MYO16: variants seen among roughly 807,000 people sequenced by gnomAD.
MYO16 encodes the protein unconventional myosin-XVI.
MYO16 carries 94 observed loss-of-function variants against 205.3 expected under a neutral mutation model. The observed-to-expected ratio is 0.46, with a 90% CI of 0.39 to 0.54. The LOEUF is 0.54. MYO16 is among the 20% of genes least tolerant of loss of function. The pLI, the probability that MYO16 is intolerant of heterozygous loss-of-function variation, is 0.00. For missense variants in MYO16, 2,315 were observed against 2,387.5 expected, an observed-to-expected ratio of 0.97 and a Z score of 0.63; for synonymous variants, 988 against 954.0, an observed-to-expected ratio of 1.04 and a Z score of -0.66.
intron 1 of MYO16, among the ~76,000 whole-genome samples, chr13:108,622,089 C>A (rs1245603630): frequency 6.6e-6 from 1 of 152,048 alleles, no homozygotes; most frequent in East Asian, 1.9e-4. Context: ...TTGTTTAGTA[C>A]CTGGTTCATG....
the MYO16 span, among the ~76,000 whole-genome samples, chr13:108,569,481 A>T: frequency 6.6e-6 from 1 of 152,062 alleles, no homozygotes; most frequent in South Asian, 2.1e-4. Context: ...AATACAATTG[A>T]TTTTTTAATA....
chr13:108,541,927 G>C, the MYO16 span, among the ~76,000 whole-genome samples: 10,883 of 152,236 alleles, frequency 0.071, 721 homozygotes, highest in African/African-American at 0.17. Flanking sequence ...ACAAAAAACA[G>C]AGCTACCATT....
intron 3 of MYO16, among the ~76,000 whole-genome samples, chr13:108,720,592 T>G (rs554651588): frequency 3.2e-4 from 48 of 152,292 alleles, no homozygotes; most frequent in Middle Eastern, 3.4e-3. Flanking sequence ...TGTTGTTGTT[T>G]TTTAATTTAC....
intron 27 of MYO16, among the ~76,000 whole-genome samples, chr13:109,075,421 A>C (rs907350512): frequency 7.2e-5 from 11 of 151,828 alleles, no homozygotes; most frequent in Admixed American, 1.3e-4. Flanking sequence ...ATGGAGTCTC[A>C]CTCTGTCACC....
chr13:109,205,461 G>A (rs950922241), intron 34 of MYO16, among the ~76,000 whole-genome samples: 1 of 152,180 alleles, frequency 6.6e-6, no homozygotes, highest in African/African-American at 2.4e-5. Flanking sequence ...TCATTTTAAT[G>A]GAGAGGGTTG....
chr13:108,690,909 A>T (rs1355943667), intron 2 of MYO16, among the ~76,000 whole-genome samples: 3 of 152,218 alleles, frequency 2.0e-5, no homozygotes, highest in South Asian at 4.2e-4. Context: ...CAGTTCAAGT[A>T]TATTAATTCC....
intron 11 of MYO16, among the ~76,000 whole-genome samples, chr13:108,860,857 G>T: frequency 6.6e-6 from 1 of 152,096 alleles, no homozygotes; most frequent in East Asian, 1.9e-4. Flanking sequence ...AGACAACCTA[G>T]GCAGTACCAT....
At chr13:108,809,290 A>T (rs1186667926) in intron 7 of MYO16, among the ~76,000 whole-genome samples, 2 of 152,176 alleles carry the variant, frequency 1.3e-5, no homozygotes, top group East Asian at 3.9e-4. Flanking sequence ...TAGCTTTCAT[A>T]TACTTCCTTC....
In MYO16 at chr13:109,206,782, G is replaced by C. The variant is rs145722511; in HGVS notation, c.5589G>C (p.Pro1863=). 1.2e-6 allele frequency: 2 copies of C among 1,614,176 alleles called. No homozygotes were observed. Residue 1863 remains proline (P), a synonymous_variant, in exon 35 of 35, where the codon CCG becomes CCC. Coordinates refer to ENST00000457511, the MANE Select transcript of MYO16 (RefSeq NM_001198950.3). ...PCKKPSLLKK[P]EGASCNRLPS... ...AGAAGCCCAGCCTTCTGAAGAAGCC[G>C]GAAGGGGCCTCCTGCAACAGGCTGC...
the MYO16 span, among the ~76,000 whole-genome samples, chr13:108,516,721 T>C: frequency 6.6e-6 from 1 of 152,186 alleles, no homozygotes; most frequent in Non-Finnish European, 1.5e-5. Flanking sequence ...GTCACCTAAG[T>C]ACACATGTCT....
Position 108,665,970 on chromosome 13 carries a change from G to A in MYO16, c.113G>A (p.Arg38Gln), listed in dbSNP as rs367922317. 1.8e-5 allele frequency: 29 copies of A among 1,614,032 alleles called. No homozygotes were observed. The highest frequency in any genetic ancestry group is 2.3e-5 in the Non-Finnish European group (27 of 1,179,964). The change falls in exon 2 of 35, where the codon CGG becomes CAG. Residue 38 changes from arginine (R) to glutamine (Q), a missense_variant. Transcript: ENST00000457511. ...CLLESLPLGQ[R>Q]QRLVKRMRCE... Reference sequence around the variant, plus strand: ...CTAGAGTCCCTTCCCCTTGGCCAACGGCAGCGTCTAGTGAAGCGCATGCGC... The same window carrying A: ...CTAGAGTCCCTTCCCCTTGGCCAACAGCAGCGTCTAGTGAAGCGCATGCGC...
At chr13:108,975,493 AATCTTT>A (rs1471587198) in intron 20 of MYO16, among the ~76,000 whole-genome samples, 5 of 152,300 alleles carry the variant, frequency 3.3e-5, no homozygotes, top group Admixed American at 2.0e-4. Flanking sequence ...GGGCAGGTTA[AATCTTT>A]GAGTTAAAAC....
intron 7 of MYO16, among the ~76,000 whole-genome samples, chr13:108,814,318 CT>C (rs1887383748): frequency 6.6e-6 from 1 of 152,088 alleles, no homozygotes; most frequent in South Asian, 2.1e-4. Context: ...GCAATCTTAA[CT>C]AATTTTTGAC....
chr13:109,043,842 GATTT>G (rs2139585946), intron 23 of MYO16, among the ~76,000 whole-genome samples: 1 of 152,268 alleles, frequency 6.6e-6, no homozygotes, highest in African/African-American at 2.4e-5. Context: ...ATGATTCAGA[GATTT>G]CAAGTGAGAG....
chr13:109,032,447 T>C lies in MYO16; in HGVS notation c.2796+12536T>C, dbSNP rs566110748. Among the ~76,000 whole-genome samples, 8 of 152,336 alleles carry C rather than the reference T, an allele frequency of 5.3e-5. No homozygotes were observed. In the South Asian group the frequency reaches 1.7e-3, roughly 32 times the overall value. On this transcript the variant is annotated intron_variant, in intron 23 of 34. Coordinates refer to ENST00000457511, the MANE Select transcript of MYO16 (RefSeq NM_001198950.3). ...CAAAGGCCAGTGCACAGTATCTTCC[T>C]AGCCAGTGAGACAAGGCAAAGGTGT...
At chr13:108,824,030 G>A (rs1033161196) in intron 9 of MYO16, among the ~76,000 whole-genome samples, 2 of 152,084 alleles carry the variant, frequency 1.3e-5, no homozygotes, top group Non-Finnish European at 2.9e-5. Flanking sequence ...TTGTCAGGTA[G>A]AGATGGACTG....
Position 109,127,417 on chromosome 13 carries a change from T to C in MYO16, c.3918T>C (p.Asp1306=). The change falls in exon 31 of 35, where the codon GAT becomes GAC. Residue 1306 remains aspartate (D), a synonymous_variant. Transcript: ENST00000457511. This position sits in a 1 kb window ranked among gnomAD's most constrained non-coding sequence, Gnocchi z 4.2. ...CGCTGCACTCGGTGTTCAGCATGGA[T>C]GACAGCAGCAGCCTCCCGTCTCCAC... ...SPSLHSVFSM[D]DSSSLPSPRK... 2 of 1,614,066 alleles carry C rather than the reference T, an allele frequency of 1.2e-6. No homozygotes were observed. The highest frequency in any genetic ancestry group is 8.5e-7 in the Non-Finnish European group (1 of 1,180,000).
At chr13:108,499,991 C>T in the MYO16 span, among the ~76,000 whole-genome samples, 3 of 151,750 alleles carry the variant, frequency 2.0e-5, no homozygotes, top group Non-Finnish European at 4.4e-5. Context: ...CCGGCGGGCC[C>T]TCTGTGCCCT....
intron 1 of MYO16, among the ~76,000 whole-genome samples, chr13:108,618,945 G>A (rs1879444747): frequency 6.6e-6 from 1 of 151,798 alleles, no homozygotes; most frequent in African/African-American, 2.4e-5. Context: ...ATCAAAATAT[G>A]AAACATTTCC....
Sources: allele counts gnomAD v4.1 joint callset (sites outside exome capture counted in the v4.1 genomes callset), GRCh38; gene constraint gnomAD v4.1.1; non-coding constraint Gnocchi (gnomAD v3.1); transcripts MANE v1.5; gene names NCBI Gene and HGNC (gene_info 2026-07-23, HGNC 2026-07-21).